The following ANKS1B variants were observed in gnomAD, a reference collection of about 807,000 sequenced individuals.
ANKS1B encodes ankyrin repeat and sterile alpha motif domain-containing protein 1B.
In ANKS1B, 36 loss-of-function variants were observed where a neutral mutation model predicts 148.3. The observed-to-expected ratio is 0.24, with a 90% CI of 0.19 to 0.32. The LOEUF is 0.32. Ranked by LOEUF, ANKS1B falls within the 10% of genes least tolerant of loss-of-function variation. The pLI, the probability that ANKS1B is intolerant of heterozygous loss-of-function variation, is 1.00. For synonymous variants in ANKS1B, 542 were observed against 560.8 expected (o/e 0.97, Z 0.47); for missense variants, 1,157 against 1,542.6 (o/e 0.75, Z 4.19).
intron 13 of ANKS1B, among the ~76,000 whole-genome samples, chr12:99,245,861 G>T (rs929433099): frequency 2.0e-5 from 3 of 152,140 alleles, no homozygotes; most frequent in African/African-American, 7.2e-5. Flanking sequence ...AGATTCTAAG[G>T]AGCTCTTCTG....
chr12:98,823,064 G>A (rs1301222988), intron 19 of ANKS1B, among the ~76,000 whole-genome samples: 6 of 152,204 alleles, frequency 3.9e-5, no homozygotes, highest in Non-Finnish European at 5.9e-5. Context: ...CAATACATCA[G>A]GTTTAAATTC....
chr12:99,349,127 G>GT (rs1423414231), intron 12 of ANKS1B, among the ~76,000 whole-genome samples: 1 of 151,894 alleles, frequency 6.6e-6, no homozygotes, highest in Admixed American at 6.6e-5. Flanking sequence ...ACTTATAAAT[G>GT]TAAGATACTA....
chr12:99,594,152 G>C (rs2097732709), intron 9 of ANKS1B, among the ~76,000 whole-genome samples: 2 of 152,068 alleles, frequency 1.3e-5, no homozygotes, highest in Admixed American at 6.6e-5. Flanking sequence ...ACCAATAACT[G>C]TGAAGTGCTT....
exon 10 of ANKS1B, chr12:98,734,961 T>G (rs1157270607): frequency 2.7e-6 from 1 of 374,878 alleles, no homozygotes; most frequent in African/African-American, 2.1e-5. Context: ...TAAAAAGAAA[T>G]TAGGAGCCAG....
At chr12:99,027,653 C>T (rs1331022899) in intron 17 of ANKS1B, among the ~76,000 whole-genome samples, 4 of 152,198 alleles carry the variant, frequency 2.6e-5, no homozygotes, top group Admixed American at 6.5e-5. Flanking sequence ...TGACTCACCC[C>T]GAAGGGTGCC....
At chr12:99,500,987 A>G (rs939067339) in intron 10 of ANKS1B, among the ~76,000 whole-genome samples, 3 of 151,962 alleles carry the variant, frequency 2.0e-5, no homozygotes, top group Admixed American at 2.0e-4. Flanking sequence ...AGTTCACTAT[A>G]TCTCCCTTCA....
At chr12:99,225,425 T>G (rs1435247755) in intron 14 of ANKS1B, among the ~76,000 whole-genome samples, 1 of 152,188 alleles carries the variant, frequency 6.6e-6, no homozygotes, top group Non-Finnish European at 1.5e-5. Context: ...AAAATGTGAT[T>G]GTTAATACTG....
At chr12:99,054,616 G>A (rs987505462) in intron 16 of ANKS1B, among the ~76,000 whole-genome samples, 1 of 152,094 alleles carries the variant, frequency 6.6e-6, no homozygotes, top group Admixed American at 6.5e-5. Flanking sequence ...TCAGCTCACT[G>A]CAACCTCCAC....
chr12:99,821,917 T>C (rs1290681723), intron 2 of ANKS1B, among the ~76,000 whole-genome samples: 3 of 151,900 alleles, frequency 2.0e-5, no homozygotes, highest in Non-Finnish European at 2.9e-5. Context: ...TTCCATTCTA[T>C]AAAGGAAGAG....
At chr12:99,402,403 T>C (rs952267514) in intron 11 of ANKS1B, among the ~76,000 whole-genome samples, 1 of 145,736 alleles carries the variant, frequency 6.9e-6, no homozygotes, top group Non-Finnish European at 1.5e-5. Flanking sequence ...GTTTAACAGA[T>C]TATTTTATCG....
chr12:99,690,754 G>C (rs1013138581), intron 8 of ANKS1B, among the ~76,000 whole-genome samples: 1 of 152,096 alleles, frequency 6.6e-6, no homozygotes, highest in Non-Finnish European at 1.5e-5. Context: ...AGTGTCTGCC[G>C]GTTTTCCAGG....
chr12:99,799,700 C>T (rs2153654866), intron 4 of ANKS1B, among the ~76,000 whole-genome samples: 1 of 152,072 alleles, frequency 6.6e-6, no homozygotes, highest in Non-Finnish European at 1.5e-5. Flanking sequence ...ATTAAGGTGA[C>T]ATTGGAGAAG....
intron 3 of ANKS1B, 34 bp from the exon 4 acceptor site, chr12:99,806,734 A>T: frequency 6.3e-7 from 1 of 1,578,082 alleles, no homozygotes; most frequent in Non-Finnish European, 8.7e-7. Flanking sequence ...GCACATTTTC[A>T]GAAATTCAAT....
At chr12:99,838,038 ACTTTCTAAGTT>A (rs2085122318) in intron 1 of ANKS1B, among the ~76,000 whole-genome samples, 1 of 152,018 alleles carries the variant, frequency 6.6e-6, no homozygotes, top group Non-Finnish European at 1.5e-5. Flanking sequence ...GTGGTATTTG[ACTTTCTAAGTT>A]CTTTCACTTA....
At position 99,564,276 on chromosome 12, in the gene ANKS1B, T is replaced by C. The variant is rs562977108; in HGVS notation, c.1273-59635A>G. Among the ~76,000 whole-genome samples, 39 of 152,058 alleles carry C rather than the reference T, an allele frequency of 2.6e-4. No homozygotes were observed. In the South Asian group the frequency reaches 7.3e-3, roughly 28 times the overall value. Reference sequence around the variant, plus strand: ...GATACACTGAAATTATACCAACCAATAGCAGAACAGGTATATAATTTTTAA... The same window carrying C: ...GATACACTGAAATTATACCAACCAACAGCAGAACAGGTATATAATTTTTAA... On this transcript the variant is annotated intron_variant, in intron 9 of 26. Coordinates refer to ENST00000683438, the MANE Select transcript of ANKS1B (RefSeq NM_001352186.2).
At chr12:99,952,436 T>C (rs2095243583) in intron 1 of ANKS1B, among the ~76,000 whole-genome samples, 1 of 152,222 alleles carries the variant, frequency 6.6e-6, no homozygotes, top group African/African-American at 2.4e-5. Flanking sequence ...CAAACTACTT[T>C]CTTGTTATCT....
At chr12:99,510,597 C>T (rs184416068) in intron 9 of ANKS1B, among the ~76,000 whole-genome samples, 7 of 151,970 alleles carry the variant, frequency 4.6e-5, no homozygotes, top group Admixed American at 1.3e-4. Flanking sequence ...TTCTTACAGG[C>T]GAACAAAGTG....
intron 17 of ANKS1B, among the ~76,000 whole-genome samples, chr12:98,949,423 C>G (rs2099850793): frequency 6.6e-6 from 1 of 152,038 alleles, no homozygotes; most frequent in Non-Finnish European, 1.5e-5. Flanking sequence ...AAAGGAAGCT[C>G]AAAACTAGGA....
chr12:98,845,568 G>A (rs2099452300), intron 17 of ANKS1B, among the ~76,000 whole-genome samples: 1 of 152,108 alleles, frequency 6.6e-6, no homozygotes, highest in Non-Finnish European at 1.5e-5. Flanking sequence ...TATACCTAGT[G>A]CAGAAATGAT....
Sources: gnomAD v4.1 joint callset for allele counts (sites outside exome capture counted in the v4.1 genomes callset) on GRCh38, gnomAD v4.1.1 for gene constraint, MANE v1.5 for transcripts, NCBI Gene and HGNC (gene_info 2026-07-23, HGNC 2026-07-21) for gene names.